Variants in SLC39A4 observed in about 807,000 individuals in gnomAD.
The protein encoded by SLC39A4 is solute carrier family 39 member 4.
SLC39A4 carries 49 observed loss-of-function variants against 56.6 expected under a neutral mutation model. The observed-to-expected ratio is 0.87, with a 90% CI of 0.69 to 1.10. SLC39A4 has a LOEUF of 1.10. Ranked by LOEUF, SLC39A4 falls within the 50% of genes least tolerant of loss-of-function variation. SLC39A4 has a pLI of 0.00. For missense variants in SLC39A4, 993 were observed against 864.2 expected (o/e 1.15, Z -1.87); for synonymous variants, 540 against 420.4 (o/e 1.28, Z -3.48).
At chr8:144,415,172 C>A in intron 3 of SLC39A4, 55 bp downstream of exon 3, 1 of 1,612,738 alleles carries the variant, frequency 6.2e-7, no homozygotes, top group Non-Finnish European at 8.5e-7. Context: ...CCCCCAGGGA[C>A]GTGGAGGCTG....
chr8:144,414,212 G>A (rs1279452250), intron 6 of SLC39A4, 50 bp downstream of exon 6: 2 of 1,594,502 alleles, frequency 1.3e-6, no homozygotes, highest in Admixed American at 1.8e-5. Flanking sequence ...CGGCCTGGGA[G>A]TCCATGGTGG....
intron 10 of SLC39A4, 46 bp downstream of exon 10, chr8:144,413,191 C>T (rs1554872187): frequency 6.6e-7 from 1 of 1,522,452 alleles, no homozygotes; most frequent in East Asian, 2.5e-5. Context: ...CCCTCCCAGC[C>T]CCGTGCGGCC....
rs782724671 is a variant in SLC39A4 at position 144,413,747 on chromosome 8, C to T, written c.1419+3G>A. ...TGGGATGGGGCATCTGGCGCCCACT[C>T]ACCAGGTCTGCGCGGGAGCCCTCGT... On this transcript the variant is annotated splice_donor_region_variant and intron_variant, in intron 8 of 11. Transcript: ENST00000301305. 1.6e-5 allele frequency: 25 copies of T among 1,536,928 alleles called. No individual in the cohort carries two copies. The South Asian group carries it at 2.5e-4, about 15-fold the overall frequency.
Position 144,413,925 on chromosome 8 carries a change from C to G in SLC39A4, c.1287+33G>C, listed in dbSNP as rs373965083. ...AGTGTCCACCAGGCCCCCAGCACAC[C>G]CACCCGCCGGGTACCTTCCCAAGAA... is the stretch of plus-strand genomic sequence containing the variant. On this transcript the variant is annotated intron_variant, in intron 7 of 11. Transcript: ENST00000301305. The G allele has an allele frequency of 2.8e-5, 45 of 1,610,438 alleles. No homozygotes were observed. In the African/African-American group the frequency reaches 4.3e-4, roughly 15 times the overall value.
At position 144,413,820 on chromosome 8, in the gene SLC39A4, A is replaced by T; in HGVS notation, c.1349T>A (p.Val450Glu). The change falls in exon 8 of 12, where the codon GTG becomes GAG. Residue 450 changes from valine (V) to glutamate (E), a missense_variant. Coordinates refer to ENST00000301305, the MANE Select transcript of SLC39A4 (RefSeq NM_130849.4). ...SHSHGGHSHG[V>E]SLQLAPSELR... is the part of the protein sequence containing the mutation. Reference sequence around the variant, plus strand: ...CTCGCTGGGTGCCAGCTGCAGGGACACACCGTGGCTGTGGCCCCCGTGGCT... The same window carrying T: ...CTCGCTGGGTGCCAGCTGCAGGGACTCACCGTGGCTGTGGCCCCCGTGGCT... 1 of 1,583,756 alleles carries T rather than the reference A, an allele frequency of 6.3e-7. No individual in the cohort carries two copies. The highest frequency in any genetic ancestry group is 1.3e-5 in the African/African-American group (1 of 74,742).
In SLC39A4 at chr8:144,415,427, A is replaced by G; in HGVS notation, c.475-8T>C. 3 of 1,593,682 alleles carry G rather than the reference A, an allele frequency of 1.9e-6. No homozygotes were observed. Among genetic ancestry groups the G allele is most frequent in the Non-Finnish European group, 2.6e-6 (3 of 1,170,750 alleles). On this transcript the variant is annotated splice_polypyrimidine_tract_variant and splice_region_variant and intron_variant, in intron 2 of 11. Coordinates refer to ENST00000301305, the MANE Select transcript of SLC39A4 (RefSeq NM_130849.4). ...AGGGATATCTACGCAGGCCTGGGGAAGAGGGGGCCTCCGCCTCAGCCTTTG... is the reference window on the plus strand; with the variant it reads ...AGGGATATCTACGCAGGCCTGGGGAGGAGGGGGCCTCCGCCTCAGCCTTTG...
Position 144,413,409 on chromosome 8 carries a change from T to C in SLC39A4, c.1475-20A>G. 1 of 1,606,176 alleles carries C rather than the reference T, an allele frequency of 6.2e-7. No homozygotes were observed. The highest frequency in any genetic ancestry group is 8.5e-7 in the Non-Finnish European group (1 of 1,177,506). ...TCAACTCTGCGGGCGCAGAGGCCCGTGGGTTCGCGTGGCCTGTCGCCTACC... is the reference window on the plus strand; with the variant it reads ...TCAACTCTGCGGGCGCAGAGGCCCGCGGGTTCGCGTGGCCTGTCGCCTACC... On this transcript the variant is annotated intron_variant, in intron 9 of 11. Coordinates refer to ENST00000301305, the MANE Select transcript of SLC39A4 (RefSeq NM_130849.4).
chr8:144,415,806 T>G lies in SLC39A4; in HGVS notation c.474+4A>C. On this transcript the variant is annotated splice_donor_region_variant and intron_variant, in intron 2 of 11. Coordinates refer to ENST00000301305, the MANE Select transcript of SLC39A4 (RefSeq NM_130849.4). ...TCCCCTGGTCTGCCTGGACTCTCCCTCACCATCTTGGGGGTCTGGCCGGCA... is the reference window on the plus strand; with the variant it reads ...TCCCCTGGTCTGCCTGGACTCTCCCGCACCATCTTGGGGGTCTGGCCGGCA... The G allele has an allele frequency of 6.3e-7, 1 of 1,593,284 alleles. No individual in the cohort carries two copies. The highest frequency in any genetic ancestry group is 1.1e-5 in the South Asian group (1 of 89,946).
At chr8:144,416,140 G>A in intron 1 of SLC39A4, 49 bp from the exon 2 acceptor site, 1 of 1,597,720 alleles carries the variant, frequency 6.3e-7, no homozygotes, top group Non-Finnish European at 8.5e-7. Context: ...CCAGGGAGGG[G>A]AGAGGCAGGC....
In SLC39A4 at chr8:144,415,871, G is replaced by C; in HGVS notation, c.413C>G (p.Pro138Arg). 3 of 1,597,444 alleles carry C rather than the reference G, an allele frequency of 1.9e-6. No homozygotes were observed. Among genetic ancestry groups the C allele is most frequent in the South Asian group, 1.1e-5 (1 of 89,938 alleles). ...ALLESPKALT[P>R]GLSWLLQRMQ... Reference sequence around the variant, plus strand: ...CCTCTGCAGCAGCCAGCTCAGGCCCGGGGTCAGGGCCTTGGGGCTCTCGAG... The same window carrying C: ...CCTCTGCAGCAGCCAGCTCAGGCCCCGGGTCAGGGCCTTGGGGCTCTCGAG... The change falls in exon 2 of 12, where the codon CCG (proline) becomes CGG (arginine). Residue 138 changes from proline to arginine, a missense_variant. Coordinates refer to ENST00000301305, the MANE Select transcript of SLC39A4 (RefSeq NM_130849.4).
chr8:144,413,664 G>A (rs962043732), intron 8 of SLC39A4, 86 bp downstream of exon 8: 9 of 1,542,110 alleles, frequency 5.8e-6, no homozygotes, highest in Admixed American at 3.9e-5. Flanking sequence ...GGAGCCGCAG[G>A]CCTGGGGTGG....
rs1554871933 is a variant in SLC39A4, at chr8:144,412,819, G to A, written c.1755C>T (p.Ser585=). ...TGGCCACTGCCAGGATCCAGGCCTC[G>A]CTCTCCTCGCTGACTCCAACCGCGA... is the stretch of plus-strand genomic sequence containing the variant. ...VALAVGVSEE[S]EAWILAVATG... The change falls in exon 11 of 12, where the codon AGC becomes AGT. Residue 585 remains serine, a synonymous_variant. Coordinates refer to ENST00000301305, the MANE Select transcript of SLC39A4 (RefSeq NM_130849.4). 3.1e-6 allele frequency: 5 copies of A among 1,612,862 alleles called. No homozygotes were observed. The highest frequency in any genetic ancestry group is 4.2e-6 in the Non-Finnish European group (5 of 1,179,932).
At chr8:144,413,183 CT>C (rs1293858747) in intron 10 of SLC39A4, 53 bp downstream of exon 10, 3 of 1,511,708 alleles carry the variant, frequency 2.0e-6, no homozygotes, top group Non-Finnish European at 2.7e-6. Context: ...CAGGTCTCCC[CT>C]CCCAGCCCCG....
rs200482978 is a variant in SLC39A4, at chr8:144,414,042, C to T, written c.1203G>A (p.Trp401Ter). 8.2e-6 allele frequency: 13 copies of T among 1,582,788 alleles called. No homozygotes were observed. Among genetic ancestry groups the T allele is most frequent in the Non-Finnish European group, 1.1e-5 (13 of 1,164,364 alleles). The stretch of plus-strand genomic sequence containing the variant: ...GCCCGGCCAGCATAGCCAGGAGGCG[C>T]CAGGTGGGCTGTGGGCTGAGGCCCT... ...SEEGLSPQPTWRLLAMLAGLY... is the reference protein window; with the variant it reads ...SEEGLSPQPT Residue 401 changes from tryptophan to a stop codon, truncating the protein, a stop_gained, in exon 7 of 12, where the codon TGG becomes TGA. Coordinates refer to ENST00000301305, the MANE Select transcript of SLC39A4 (RefSeq NM_130849.4). LOFTEE classifies it high-confidence loss of function.
chr8:144,413,172 C>T (rs563182433), intron 10 of SLC39A4, 65 bp downstream of exon 10: 8 of 1,402,238 alleles, frequency 5.7e-6, no homozygotes, highest in Middle Eastern at 5.1e-4. Flanking sequence ...CCCACCTGTT[C>T]CAGGTCTCCC....
rs372835642 is a variant in SLC39A4 at position 144,415,124 on chromosome 8, G to A, written c.668-14C>T. 1.2e-6 allele frequency: 2 copies of A among 1,612,410 alleles called. No individual in the cohort carries two copies. Among genetic ancestry groups the A allele is most frequent in the Non-Finnish European group, 1.7e-6 (2 of 1,179,926 alleles). ...AGGCTGACAGCTCTGGCAGGGAGAA[G>A]AGTTGGCACCGCGAGTCTGTGTGGG... On this transcript the variant is annotated splice_polypyrimidine_tract_variant and intron_variant, in intron 3 of 11. Transcript: ENST00000301305.
chr8:144,414,304 C>T lies in SLC39A4; in HGVS notation c.1107G>A (p.Val369=), dbSNP rs782640667. The T allele has an allele frequency of 1.9e-6, 3 of 1,606,758 alleles. No individual in the cohort carries two copies. Among genetic ancestry groups the T allele is most frequent in the Non-Finnish European group, 2.5e-6 (3 of 1,177,862 alleles). Reference sequence around the variant, plus strand: ...GGACAGCGTCCCCAGTGACTGCACCCACTGCCAGGCTCAGGAAGGTCTGCA... The same window carrying T: ...GGACAGCGTCCCCAGTGACTGCACCTACTGCCAGGCTCAGGAAGGTCTGCA... The part of the protein sequence containing the change: ...YILQTFLSLA[V]GAVTGDAVLH... The change falls in exon 6 of 12, where the codon GTG becomes GTA. Residue 369 remains valine (V), a synonymous_variant. Coordinates refer to ENST00000301305, the MANE Select transcript of SLC39A4 (RefSeq NM_130849.4).
rs1554873408 is a variant in SLC39A4 at position 144,415,058 on chromosome 8, G to T, written c.720C>A (p.Asp240Glu). 3 of 1,611,468 alleles carry T rather than the reference G, an allele frequency of 1.9e-6. No homozygotes were observed. The highest frequency in any genetic ancestry group is 4.5e-5 in the East Asian group (2 of 44,884). Residue 240 changes from aspartate (D) to glutamate (E), a missense_variant, in exon 4 of 12, where the codon GAC becomes GAA. Asp to Glu is a conservative substitution (Grantham distance 45). Coordinates refer to ENST00000301305, the MANE Select transcript of SLC39A4 (RefSeq NM_130849.4). Reference protein sequence around the residue: ...RLGVGREAHSDHSHRHRGASS... With the variant: ...RLGVGREAHSEHSHRHRGASS... Reference sequence around the variant, plus strand: ...TGGCTCCCCTGTGCCGATGACTGTGGTCACTGTGGGCCTCCCTGCCCACCC... The same window carrying T: ...TGGCTCCCCTGTGCCGATGACTGTGTTCACTGTGGGCCTCCCTGCCCACCC...
chr8:144,415,188 T>G, intron 3 of SLC39A4, 39 bp downstream of exon 3: 1 of 1,612,580 alleles, frequency 6.2e-7, no homozygotes, highest in Non-Finnish European at 8.5e-7. Flanking sequence ...GGCTGGGGAC[T>G]CGGGGGTGCC....
Sources: allele counts gnomAD v4.1 joint callset, GRCh38; gene constraint gnomAD v4.1.1; transcripts MANE v1.5; gene names NCBI Gene and HGNC (gene_info 2026-07-23, HGNC 2026-07-21).